Variants in TMCC3 observed in about 807,000 individuals in gnomAD.
TMCC3 encodes the protein transmembrane and coiled-coil domain protein 3.
In TMCC3, 28 loss-of-function variants were observed where a neutral mutation model predicts 40.2. That is an observed-to-expected ratio of 0.70 (90% CI 0.52 to 0.95). The LOEUF (loss-of-function observed/expected upper bound fraction) is 0.95. Ranked by LOEUF, TMCC3 falls within the 40% of genes least tolerant of loss-of-function variation. TMCC3 has a pLI of 0.00. For missense variants in TMCC3, 554 were observed against 615.2 expected (o/e 0.90, Z 1.05); for synonymous variants, 255 against 248.5 (o/e 1.03, Z -0.25).
intron 3 of TMCC3, among the ~76,000 whole-genome samples, chr12:94,572,328 TGAGAC>T (rs2068536759): frequency 1.9e-5 from 2 of 104,088 alleles, no homozygotes; most frequent in African/African-American, 3.9e-5. Flanking sequence ...TTTTTTTTTT[TGAGAC>T]AGAGTTTCAC....
intron 1 of TMCC3, among the ~76,000 whole-genome samples, chr12:94,628,130 G>A (rs112480749): frequency 0.01 from 1,543 of 152,290 alleles, 24 homozygotes; most frequent in African/African-American, 0.035. Context: ...AAAGGAGCCC[G>A]TTCTTAAATT....
intron 1 of TMCC3, among the ~76,000 whole-genome samples, chr12:94,625,050 G>A (rs553327115): frequency 1.3e-4 from 20 of 151,030 alleles, no homozygotes; most frequent in Admixed American, 2.6e-4. Context: ...GCTGAGGCAG[G>A]AGAATCGCTT....
intron 1 of TMCC3, among the ~76,000 whole-genome samples, chr12:94,629,671 G>A (rs115642126): frequency 2.2e-3 from 333 of 152,318 alleles, no homozygotes; most frequent in African/African-American, 7.7e-3. Flanking sequence ...AAGCTCTGAG[G>A]TATGAGCTCG....
chr12:94,582,671 C>T (rs991848893), intron 1 of TMCC3, 133 bp from the exon 2 acceptor site: 1 of 783,446 alleles, frequency 1.3e-6, no homozygotes, highest in Non-Finnish European at 2.0e-6. Flanking sequence ...GGGATAAAAT[C>T]CCCCTGCTGT....
intron 1 of TMCC3, among the ~76,000 whole-genome samples, chr12:94,590,252 C>G (rs1158416242): frequency 1.5e-5 from 2 of 136,494 alleles, no homozygotes; most frequent in Non-Finnish European, 3.0e-5. Flanking sequence ...TGCCACCACG[C>G]CCTGCTAATT....
intron 1 of TMCC3, among the ~76,000 whole-genome samples, chr12:94,627,624 G>A (rs1291974631): frequency 6.6e-6 from 1 of 152,142 alleles, no homozygotes; most frequent in Non-Finnish European, 1.5e-5. Context: ...CTTTATCAAG[G>A]AGTCCATGCA....
At chr12:94,608,952 G>A (rs2068799335) in intron 1 of TMCC3, among the ~76,000 whole-genome samples, 1 of 152,050 alleles carries the variant, frequency 6.6e-6, no homozygotes, top group South Asian at 2.1e-4. Flanking sequence ...AAGGAATTTG[G>A]GCCAGGCGCT....
At chr12:94,629,973 AT>A (rs2068923704) in intron 1 of TMCC3, among the ~76,000 whole-genome samples, 1 of 152,242 alleles carries the variant, frequency 6.6e-6, no homozygotes, top group Non-Finnish European at 1.5e-5. Context: ...TACAAAAGAT[AT>A]GAAGATACAG....
rs1491007129 is a variant in TMCC3 at position 94,597,166 on chromosome 12, A to ATAT, written c.79-14629_79-14628insATA. 7.9e-3 allele frequency among the ~76,000 whole-genome samples: 721 copies of ATAT among 90,850 alleles called. 35 individuals carry two copies. The highest frequency in any genetic ancestry group is 0.011 in the South Asian group (33 of 3,002). 59.6% of individuals were successfully genotyped at this position (90,850 alleles called of 152,430 possible). On this transcript the variant is annotated intron_variant, in intron 1 of 3. Coordinates refer to ENST00000261226, the MANE Select transcript of TMCC3 (RefSeq NM_020698.4). ...ATATATATATATATATATGTATATA[A>ATAT]ATTAGCCAGGCCTGCTGGCGTGCCT... is the stretch of plus-strand genomic sequence containing the variant.
intron 1 of TMCC3, among the ~76,000 whole-genome samples, chr12:94,631,864 G>GA: frequency 1.3e-5 from 2 of 152,178 alleles, no homozygotes; most frequent in East Asian, 3.8e-4. Flanking sequence ...GTAGTAACAT[G>GA]AAAAAACAGG....
chr12:94,597,327 A>G (rs1456616826), intron 1 of TMCC3, among the ~76,000 whole-genome samples: 2 of 151,150 alleles, frequency 1.3e-5, no homozygotes, highest in African/African-American at 4.9e-5. Flanking sequence ...AGAAAGAAAA[A>G]GAAAAAAAAA....
At chr12:94,622,613 T>C (rs1255655196) in intron 1 of TMCC3, among the ~76,000 whole-genome samples, 1 of 152,118 alleles carries the variant, frequency 6.6e-6, no homozygotes, top group African/African-American at 2.4e-5. Flanking sequence ...ACCTTTCTAG[T>C]CCAGGGCACA....
intron 1 of TMCC3, among the ~76,000 whole-genome samples, chr12:94,620,093 G>A (rs2068867578): frequency 6.6e-6 from 1 of 151,826 alleles, no homozygotes; most frequent in African/African-American, 2.4e-5. Flanking sequence ...AACCCGGAAG[G>A]CGGAGGTTGC....
chr12:94,572,040 G>C (rs78497497), intron 3 of TMCC3, among the ~76,000 whole-genome samples: 8 of 151,976 alleles, frequency 5.3e-5, no homozygotes, highest in Non-Finnish European at 1.2e-4. Flanking sequence ...TTGCTCTGTC[G>C]CCAGGCTGGA....
In TMCC3 at chr12:94,569,615, G is replaced by T. The variant is rs1481477202; in HGVS notation, c.*1820C>A. ...AGTGGTGATGGTTGAACAAGTTTGT[G>T]AATTTACTAAAACCACTCAATTGTA... On this transcript the variant is annotated 3_prime_UTR_variant, in exon 4 of 4. Coordinates refer to ENST00000261226, the MANE Select transcript of TMCC3 (RefSeq NM_020698.4). 6.6e-6 allele frequency: 1 copy of T among 152,000 alleles called. No individual in the cohort carries two copies. The highest frequency in any genetic ancestry group is 1.5e-5 in the Non-Finnish European group (1 of 68,006). 9.4% of individuals were successfully genotyped at this position (152,000 alleles called of 1,614,324 possible).
chr12:94,579,926 T>C (rs1594267063), intron 2 of TMCC3, among the ~76,000 whole-genome samples: 1 of 152,226 alleles, frequency 6.6e-6, no homozygotes, highest in South Asian at 2.1e-4. Flanking sequence ...ACTATTTCGA[T>C]AGAACTGACG....
At chr12:94,625,637 G>A (rs1006278621) in intron 1 of TMCC3, among the ~76,000 whole-genome samples, 13 of 151,280 alleles carry the variant, frequency 8.6e-5, no homozygotes, top group African/African-American at 3.2e-4. Context: ...GTTCCAGAAG[G>A]GCAAATAGTC....
At chr12:94,598,730 G>A (rs895148377) in intron 1 of TMCC3, 2 of 985,324 alleles carry the variant, frequency 2.0e-6, no homozygotes, top group African/African-American at 3.5e-5. Context: ...GACGTTTAAA[G>A]GCTCCAAAGA....
At chr12:94,597,164 TAA>T (rs60864550) in intron 1 of TMCC3, among the ~76,000 whole-genome samples, 3,709 of 90,114 alleles carry the variant, frequency 0.041, 235 homozygotes, top group Admixed American at 0.084. Flanking sequence ...TATATGTATA[TAA>T]ATTAGCCAGG....
Sources: gnomAD v4.1 joint callset for allele counts (sites outside exome capture counted in the v4.1 genomes callset) on GRCh38, gnomAD v4.1.1 for gene constraint, MANE v1.5 for transcripts, NCBI Gene and HGNC (gene_info 2026-07-23, HGNC 2026-07-21) for gene names.